ACCSL: variants seen among roughly 807,000 people sequenced by gnomAD.
The protein encoded by ACCSL is probable inactive 1-aminocyclopropane-1-carboxylate synthase-like protein 2.
A neutral mutation model predicts 61.7 loss-of-function variants in ACCSL; 55 were observed. The ratio of observed to expected loss-of-function variants is 0.89; its 90% confidence interval spans 0.72 to 1.12. The LOEUF (loss-of-function observed/expected upper bound fraction) is 1.12. ACCSL is among the 50% of genes most tolerant of loss of function. The pLI, the probability that ACCSL is intolerant of heterozygous loss-of-function variation, is 0.00. For missense variants in ACCSL, 632 were observed against 698.0 expected, an observed-to-expected ratio of 0.91 and a Z score of 1.07; for synonymous variants, 258 against 264.3, an observed-to-expected ratio of 0.98 and a Z score of 0.23.
chr11:43,942,299 C>A, the ACCSL span: 20 of 168,134 alleles, frequency 1.2e-4, 1 homozygote, highest in East Asian at 9.5e-4. Context: ...GCCCCGCGGC[C>A]AACCCGGTTG....
At chr11:43,956,426 A>ATT in the ACCSL span, among the ~76,000 whole-genome samples, 187 of 149,670 alleles carry the variant, frequency 1.2e-3, no homozygotes, top group South Asian at 1.9e-3. Flanking sequence ...CACTGCTACA[A>ATT]TTTTTTTTTT....
At chr11:43,937,236 G>C in the ACCSL span, among the ~76,000 whole-genome samples, 10 of 152,188 alleles carry the variant, frequency 6.6e-5, no homozygotes, top group Admixed American at 4.6e-4. Context: ...GAAAGGCAGT[G>C]GCCAACAATG....
At chr11:44,025,306 T>C in the ACCSL span, among the ~76,000 whole-genome samples, 11 of 152,180 alleles carry the variant, frequency 7.2e-5, no homozygotes, top group Non-Finnish European at 1.3e-4. Flanking sequence ...TTAACTTGCT[T>C]CTTGTTTCAC....
the ACCSL span, among the ~76,000 whole-genome samples, chr11:43,956,672 G>A: frequency 6.6e-6 from 1 of 152,156 alleles, no homozygotes; most frequent in Non-Finnish European, 1.5e-5. Context: ...GCCCACCTTG[G>A]CCTCCCAAAG....
the ACCSL span, among the ~76,000 whole-genome samples, chr11:43,981,558 C>T: frequency 7.4e-4 from 113 of 152,360 alleles, no homozygotes; most frequent in African/African-American, 2.7e-3. Flanking sequence ...TGCAACACTA[C>T]ATATGTCCAT....
At chr11:43,987,864 A>G in the ACCSL span, among the ~76,000 whole-genome samples, 104,255 of 152,132 alleles carry the variant, frequency 0.69, 36,300 homozygotes, top group African/African-American at 0.81. Context: ...TGGGAACAAT[A>G]ATGTGCGTTT....
the ACCSL span, among the ~76,000 whole-genome samples, chr11:44,033,746 G>A: frequency 6.6e-6 from 1 of 152,128 alleles, no homozygotes; most frequent in African/African-American, 2.4e-5. Flanking sequence ...GACAGCTGAA[G>A]CAGGAAGACC....
chr11:43,943,809 A>C, the ACCSL span: 1 of 1,302,854 alleles, frequency 7.7e-7, no homozygotes, highest in Non-Finnish European at 1.0e-6. This position sits in a 1 kb window ranked among gnomAD's most constrained non-coding sequence, Gnocchi z 4.8. Context: ...CATTTATTTA[A>C]CGATCTTTTT....
the ACCSL span, among the ~76,000 whole-genome samples, chr11:43,962,457 T>A: frequency 6.6e-6 from 1 of 152,074 alleles, no homozygotes; most frequent in African/African-American, 2.4e-5. Context: ...CAAACAGAGA[T>A]GAAAGGAAAA....
chr11:44,053,602 C>T (rs938533765), intron 8 of ACCSL, 96 bp downstream of exon 8: 1 of 1,151,476 alleles, frequency 8.7e-7, no homozygotes, highest in Non-Finnish European at 1.3e-6. Context: ...GTGGCACATG[C>T]CTGTAATCCC....
chr11:43,929,079 C>T, the ACCSL span, among the ~76,000 whole-genome samples: 1 of 152,214 alleles, frequency 6.6e-6, no homozygotes, highest in Non-Finnish European at 1.5e-5. Context: ...AAATTCTTAG[C>T]CTGAGTTTCC....
At chr11:43,938,164 C>G in the ACCSL span, among the ~76,000 whole-genome samples, 9 of 152,190 alleles carry the variant, frequency 5.9e-5, no homozygotes, top group Non-Finnish European at 1.0e-4. Context: ...TCCTCGAGAA[C>G]AGTGAGGACT....
chr11:44,012,028 G>A, the ACCSL span, among the ~76,000 whole-genome samples: 2 of 152,142 alleles, frequency 1.3e-5, no homozygotes, highest in African/African-American at 2.4e-5. Flanking sequence ...GGATGTGGGA[G>A]GAAAGAGAAG....
chr11:43,954,880 C>T, the ACCSL span, among the ~76,000 whole-genome samples: 2 of 152,076 alleles, frequency 1.3e-5, no homozygotes, highest in South Asian at 2.1e-4. Flanking sequence ...CCACCGTGCC[C>T]GGCCCTGTAT....
the ACCSL span, among the ~76,000 whole-genome samples, chr11:43,948,917 T>C: frequency 1.3e-5 from 2 of 152,230 alleles, no homozygotes; most frequent in Admixed American, 6.5e-5. Flanking sequence ...CCTGCAAACA[T>C]ATGCATAGCT....
chr11:44,019,530 GC>G, the ACCSL span, among the ~76,000 whole-genome samples: 1 of 152,000 alleles, frequency 6.6e-6, no homozygotes, highest in Admixed American at 6.6e-5. Flanking sequence ...GGGCTTGTTG[GC>G]ACATTTGTAT....
chr11:44,018,495 C>G, the ACCSL span, among the ~76,000 whole-genome samples: 1 of 152,232 alleles, frequency 6.6e-6, no homozygotes, highest in Admixed American at 6.5e-5. Context: ...AGCCCAGGCT[C>G]AACTTCCTCT....
At chr11:43,948,294 A>T in the ACCSL span, among the ~76,000 whole-genome samples, 1 of 152,108 alleles carries the variant, frequency 6.6e-6, no homozygotes, top group Non-Finnish European at 1.5e-5. Context: ...TGGCCTCTGG[A>T]AAAATAGCAG....
the ACCSL span, among the ~76,000 whole-genome samples, chr11:43,979,778 C>CG: frequency 7.4e-6 from 1 of 134,592 alleles, no homozygotes; most frequent in Non-Finnish European, 1.5e-5. Context: ...ACCCAGGAGG[C>CG]GGGGGTTGCA....
Sources: gnomAD v4.1 joint callset for allele counts (sites outside exome capture counted in the v4.1 genomes callset) on GRCh38, gnomAD v4.1.1 for gene constraint, Gnocchi (gnomAD v3.1) non-coding constraint, MANE v1.5 for transcripts, NCBI Gene and HGNC (gene_info 2026-07-23, HGNC 2026-07-21) for gene names.